RFTN2: variants seen among roughly 807,000 people sequenced by gnomAD.
RFTN2 encodes raftlin family member 2.
A neutral mutation model predicts 52.7 loss-of-function variants in RFTN2; 34 were observed. The ratio of observed to expected loss-of-function variants is 0.64; its 90% CI spans 0.49 to 0.86. The LOEUF (loss-of-function observed/expected upper bound fraction) is 0.86. RFTN2 is among the 40% of genes least tolerant of loss of function. The pLI is 0.00. For missense variants in RFTN2, 536 were observed against 600.1 expected (o/e 0.89, Z 1.12); for synonymous variants, 203 against 217.7 (o/e 0.93, Z 0.59).
intron 1 of RFTN2, among the ~76,000 whole-genome samples, chr2:197,669,358 A>G (rs1208148901): frequency 7.0e-6 from 1 of 143,322 alleles, no homozygotes; most frequent in Non-Finnish European, 1.5e-5. Flanking sequence ...CCTTATCCCT[A>G]CTCACTTCCT....
intron 7 of RFTN2, among the ~76,000 whole-genome samples, chr2:197,606,719 A>G (rs1356135152): frequency 1.3e-5 from 2 of 151,670 alleles, no homozygotes; most frequent in Non-Finnish European, 2.9e-5. Flanking sequence ...GCCAAAAAAC[A>G]CATGAAAAAA....
intron 8 of RFTN2, among the ~76,000 whole-genome samples, chr2:197,587,260 C>T (rs934351964): frequency 3.3e-5 from 5 of 152,096 alleles, no homozygotes; most frequent in South Asian, 4.2e-4. Flanking sequence ...TGAGAAACAT[C>T]GCCCATTATC....
In RFTN2 at chr2:197,572,150, G is replaced by A; in HGVS notation, c.1364C>T (p.Ser455Phe). The change falls in exon 9 of 9, where the codon TCC becomes TTC. Residue 455 changes from serine to phenylalanine, a missense_variant. Ser to Phe is a radical substitution (Grantham distance 155). Transcript: ENST00000295049. ...TCCCTCCTTTGTCCAGCATTCCCGG[G>A]AGGGAGAAAGGCGGCACTCCTCAGG... ...HLPEECRLSP[S>F]RECWTKEGRL... 6 of 1,614,244 alleles carry A rather than the reference G, an allele frequency of 3.7e-6. No individual in the cohort carries two copies. The highest frequency in any genetic ancestry group is 5.1e-6 in the Non-Finnish European group (6 of 1,180,048).
intron 5 of RFTN2, among the ~76,000 whole-genome samples, chr2:197,629,736 T>TTTTATTTTATTTTATTTTA (rs1559356005): frequency 1.4e-5 from 1 of 71,176 alleles, no homozygotes; most frequent in Admixed American, 1.4e-4. Flanking sequence ...ATTTTATTTT[T>TTTTATTTTATTTTATTTTA]TTTTGAGACA....
intron 4 of RFTN2, among the ~76,000 whole-genome samples, chr2:197,632,019 A>G (rs1219652148): frequency 6.6e-6 from 1 of 152,238 alleles, no homozygotes; most frequent in African/African-American, 2.4e-5. Flanking sequence ...TGAGAAGTAC[A>G]TACTTTAAAA....
In RFTN2 at chr2:197,574,999, G is replaced by A. The variant is rs147132872; in HGVS notation, c.1234-2719C>T. Among the ~76,000 whole-genome samples, 829 of 152,310 alleles carry A rather than the reference G, an allele frequency of 5.4e-3. 11 individuals carry two copies. The highest frequency in any genetic ancestry group is 0.019 in the African/African-American group (779 of 41,572). On this transcript the variant is annotated intron_variant, in intron 8 of 8. Coordinates refer to ENST00000295049, the MANE Select transcript of RFTN2 (RefSeq NM_144629.3). ...TGGGGTGGAATGATATAGTTTGGCT[G>A]TGTCCTCACCCAAATCTCATCTTGA...
chr2:197,612,804 C>T (rs1347602501), intron 7 of RFTN2, among the ~76,000 whole-genome samples: 2 of 152,108 alleles, frequency 1.3e-5, no homozygotes, highest in East Asian at 3.9e-4. Context: ...AATCCAATAA[C>T]AGGATATATT....
chr2:197,569,080 T>G lies in RFTN2; in HGVS notation c.*2928A>C, dbSNP rs2106151932. The G allele has an allele frequency of 6.6e-6, 1 of 152,304 alleles. No individual in the cohort carries two copies. Among genetic ancestry groups the G allele is most frequent in the Middle Eastern group, 3.4e-3 (1 of 294 alleles). The allele number at this position is 152,304 out of a possible 1,614,324, so 9.4% of individuals were successfully genotyped here. On this transcript the variant is annotated 3_prime_UTR_variant, in exon 9 of 9. Coordinates refer to ENST00000295049, the MANE Select transcript of RFTN2 (RefSeq NM_144629.3). Reference sequence around the variant, plus strand: ...ATTTCCCTGGTGATTAGGTAGGTGTTAAATGTGTCCATAAAAGATAACAAG... The same window carrying G: ...ATTTCCCTGGTGATTAGGTAGGTGTGAAATGTGTCCATAAAAGATAACAAG...
In RFTN2 at chr2:197,594,311, G is replaced by A. The variant is rs150674637; in HGVS notation, c.1233+1680C>T. On this transcript the variant is annotated intron_variant, in intron 8 of 8. Coordinates refer to ENST00000295049, the MANE Select transcript of RFTN2 (RefSeq NM_144629.3). ...TTACAGGCCTGAGCCACCACGCTGGGCCAGAATATTTCTTTTATTTAATTA... is the reference window on the plus strand; with the variant it reads ...TTACAGGCCTGAGCCACCACGCTGGACCAGAATATTTCTTTTATTTAATTA... Among the ~76,000 whole-genome samples the A allele has an allele frequency of 1.2e-4, 19 of 152,064 alleles. No individual in the cohort carries two copies. In the East Asian group the frequency reaches 3.7e-3, roughly 30 times the overall value.
At chr2:197,636,387 C>G (rs1478293461) in intron 3 of RFTN2, among the ~76,000 whole-genome samples, 5 of 138,942 alleles carry the variant, frequency 3.6e-5, no homozygotes, top group Non-Finnish European at 6.2e-5. Flanking sequence ...AATGTTCTTC[C>G]ATTTGTTTGT....
intron 7 of RFTN2, among the ~76,000 whole-genome samples, chr2:197,605,843 T>C (rs1172945104): frequency 6.6e-6 from 1 of 152,136 alleles, no homozygotes; most frequent in African/African-American, 2.4e-5. Flanking sequence ...CAAGGAATAC[T>C]TTTCCTTTCT....
intron 8 of RFTN2, among the ~76,000 whole-genome samples, chr2:197,590,113 C>T (rs2087678436): frequency 6.6e-6 from 1 of 151,312 alleles, no homozygotes. Context: ...GCTGAGCTGA[C>T]CAGCTGGTCT....
At chr2:197,646,403 C>T (rs1473749057) in intron 2 of RFTN2, 80 bp downstream of exon 2, 6 of 1,135,502 alleles carry the variant, frequency 5.3e-6, no homozygotes, top group Non-Finnish European at 7.6e-6. Flanking sequence ...TATTCTCTGC[C>T]ACTTGATTCA....
intron 1 of RFTN2, among the ~76,000 whole-genome samples, chr2:197,674,251 GT>G (rs2089184281): frequency 7.4e-6 from 1 of 134,268 alleles, no homozygotes; most frequent in Non-Finnish European, 1.5e-5. Context: ...CTGGAAGGGA[GT>G]TTGTTTGCTG....
intron 8 of RFTN2, among the ~76,000 whole-genome samples, chr2:197,581,596 A>G (rs1440598396): frequency 1.3e-5 from 2 of 152,034 alleles, no homozygotes; most frequent in South Asian, 2.1e-4. Flanking sequence ...CCTCCTTTAA[A>G]TCTTCTCAAC....
At chr2:197,589,848 T>C (rs1011406196) in intron 8 of RFTN2, among the ~76,000 whole-genome samples, 1 of 152,214 alleles carries the variant, frequency 6.6e-6, no homozygotes, top group Admixed American at 6.5e-5. Context: ...ACAAAAGTTT[T>C]ATATTTTGAT....
intron 8 of RFTN2, among the ~76,000 whole-genome samples, chr2:197,578,377 CA>C (rs201518764): frequency 8.5e-5 from 13 of 152,228 alleles, no homozygotes; most frequent in South Asian, 2.1e-4. Context: ...TACCAACACA[CA>C]CTTTTTTTCT....
intron 1 of RFTN2, among the ~76,000 whole-genome samples, chr2:197,668,608 CTGCAGTAGCCTGCA>C (rs1376401788): frequency 2.4e-4 from 37 of 152,230 alleles, no homozygotes; most frequent in Middle Eastern, 3.4e-3. Context: ...TCAGGCCTGG[CTGCAGTAGCCTGCA>C]TGCAGTCGCT....
At chr2:197,575,214 C>T (rs2087392285) in intron 8 of RFTN2, among the ~76,000 whole-genome samples, 1 of 152,286 alleles carries the variant, frequency 6.6e-6, no homozygotes, top group South Asian at 2.1e-4. Context: ...TGACTTTGCT[C>T]CTCATTCACC....
Sources: gnomAD v4.1 joint callset for allele counts (sites outside exome capture counted in the v4.1 genomes callset) on GRCh38, gnomAD v4.1.1 for gene constraint, MANE v1.5 for transcripts, NCBI Gene and HGNC (gene_info 2026-07-23, HGNC 2026-07-21) for gene names.